The following TRAPPC2 variants were observed in gnomAD, a reference collection of about 807,000 sequenced individuals.
The protein encoded by TRAPPC2 is trafficking protein particle complex subunit 2.
Under a neutral mutation model 10.0 loss-of-function variants are expected in TRAPPC2, and 4 were observed. The observed-to-expected ratio is 0.40, with a 90% CI of 0.20 to 0.92. TRAPPC2 has a LOEUF of 0.92. TRAPPC2 is among the 40% of genes least tolerant of loss of function. The probability of loss-of-function intolerance (pLI) is 0.35; values close to 1 mark genes in which losing one functional copy is unlikely to be tolerated. For synonymous variants in TRAPPC2, 36 were observed against 37.3 expected, an observed-to-expected ratio of 0.97 and a Z score of 0.12; for missense variants, 52 against 108.7, an observed-to-expected ratio of 0.48 and a Z score of 2.32.
At position 13,716,320 on chromosome X, in the gene TRAPPC2, ACT is replaced by A. The variant is rs2046284696; in HGVS notation, c.238+212_238+213del. 7 of 560,864 alleles carry A rather than the reference ACT, an allele frequency of 1.2e-5. No homozygotes were observed. The South Asian group carries it at 1.6e-4, about 13-fold the overall frequency. The allele number at this position is 560,864 out of a possible 1,213,427, so 46.2% of individuals were successfully genotyped here. A position where few individuals can be genotyped will look rare whatever the true frequency, so the allele number is the denominator to read the frequency against. On this transcript the variant is annotated intron_variant, in intron 4 of 5. Transcript: ENST00000380579. ...ATCACCCTTGATAGGGTCCAGATAA[ACT>A]CTTTTTGTGTATGAGACTTAGTTTT... is the stretch of plus-strand genomic sequence containing the variant.
intron 2 of TRAPPC2, among the ~76,000 whole-genome samples, chrX:13,722,667 A>G: frequency 8.9e-6 from 1 of 112,049 alleles, no homozygotes; most frequent in Non-Finnish European, 1.9e-5. Context: ...AAGGTAAGAC[A>G]CACGCTAGGA....
At chrX:13,726,689 C>T (rs2046558756) in intron 2 of TRAPPC2, among the ~76,000 whole-genome samples, 1 of 112,012 alleles carries the variant, frequency 8.9e-6, no homozygotes, top group African/African-American at 3.2e-5. Context: ...TATGAAGAAA[C>T]TGCATCAGTT....
chrX:13,731,079 GAA>G (rs1251375086), intron 2 of TRAPPC2, among the ~76,000 whole-genome samples: 4 of 111,860 alleles, frequency 3.6e-5, no homozygotes, highest in Non-Finnish European at 7.5e-5. Flanking sequence ...AAAGAAAAAA[GAA>G]AACATCTAGA....
At chrX:13,719,248 CA>C (rs34856925) in intron 3 of TRAPPC2, among the ~76,000 whole-genome samples, 24 of 103,097 alleles carry the variant, frequency 2.3e-4, no homozygotes, top group East Asian at 1.8e-3. Flanking sequence ...TTCCTTGTCT[CA>C]AAAAAAAAAA....
At chrX:13,717,056 A>C (rs1007196627) in intron 3 of TRAPPC2, among the ~76,000 whole-genome samples, 1 of 105,456 alleles carries the variant, frequency 9.5e-6, no homozygotes, top group South Asian at 4.3e-4. Flanking sequence ...AAAAAAAAAA[A>C]AAAAAAAACA....
At chrX:13,730,953 G>A (rs772873462) in intron 2 of TRAPPC2, among the ~76,000 whole-genome samples, 53 of 110,106 alleles carry the variant, frequency 4.8e-4, no homozygotes, top group Non-Finnish European at 7.6e-4. Context: ...GCATTAGGAG[G>A]AATACCTAAT....
chrX:13,715,804 A>G (rs2046273981), intron 5 of TRAPPC2, 200 bp downstream of exon 5: 1 of 953,314 alleles, frequency 1.0e-6, no homozygotes, highest in Admixed American at 5.2e-5. Flanking sequence ...GGTAACTACC[A>G]TGAAGTTGTG....
At chrX:13,720,196 A>G (rs1298423081) in intron 2 of TRAPPC2, 1 of 247,002 alleles carries the variant, frequency 4.0e-6, no homozygotes, top group African/African-American at 2.8e-5. Flanking sequence ...AATCTAATGT[A>G]TTTTCTTAAG....
At chrX:13,724,378 G>A (rs1317447866) in intron 2 of TRAPPC2, among the ~76,000 whole-genome samples, 1 of 100,532 alleles carries the variant, frequency 9.9e-6, no homozygotes, top group African/African-American at 3.7e-5. Flanking sequence ...CCTACAATGA[G>A]TTGAAGTGTG....
At position 13,734,101 on chromosome X, in the gene TRAPPC2, A is replaced by G. The variant is rs1253837176; in HGVS notation, c.-77T>C. On this transcript the variant is annotated 5_prime_UTR_variant, in exon 2 of 6. It removes the in-frame stop codon of an upstream open reading frame in the 5' UTR. Coordinates refer to ENST00000380579, the MANE Select transcript of TRAPPC2 (RefSeq NM_001011658.4). ...TAAAACGTTTAGCTCTGTGGATCTC[A>G]ACCCGGAGCGATCTTGCTTCCAAGA... The G allele has an allele frequency of 3.9e-6, 2 of 513,733 alleles. No individual in the cohort carries two copies. The highest frequency in any genetic ancestry group is 7.0e-6 in the Non-Finnish European group (2 of 286,312). 42.3% of individuals were successfully genotyped at this position (513,733 alleles called of 1,213,427 possible).
At chrX:13,734,349 G>T (rs1008213424) in intron 1 of TRAPPC2, among the ~76,000 whole-genome samples, 164 bp from the exon 2 acceptor site, 20 of 111,645 alleles carry the variant, frequency 1.8e-4, no homozygotes, top group African/African-American at 6.5e-4. Flanking sequence ...CCGAGAGGGC[G>T]GACGTCTGCA....
intron 4 of TRAPPC2, 86 bp from the exon 5 acceptor site, chrX:13,716,175 C>CAG (rs2046283105): frequency 1.0e-6 from 1 of 976,872 alleles, no homozygotes; most frequent in Admixed American, 3.5e-5. Context: ...AAATTAGTCA[C>CAG]ATGCAGTGTA....
intron 2 of TRAPPC2, among the ~76,000 whole-genome samples, chrX:13,725,048 AG>A (rs923349380): frequency 8.9e-6 from 1 of 112,786 alleles, no homozygotes; most frequent in African/African-American, 3.2e-5. Context: ...TGGCTGGGGG[AG>A]GGGTGTCCGC....
rs778276998 is a variant in TRAPPC2 at position 13,720,120 on chromosome X, A to T, written c.-19-138T>A. 7.7e-6 allele frequency: 3 copies of T among 387,511 alleles called. No individual in the cohort carries two copies. In the East Asian group the frequency reaches 1.3e-4, roughly 17 times the overall value. The allele number at this position is 387,511 out of a possible 1,213,427, so 31.9% of individuals were successfully genotyped here. ...GATGCTACTAAGCTTGGCAGTTTCC[A>T]GTATACTAGCGAAGATACGTAGCTT... On this transcript the variant is annotated intron_variant, in intron 2 of 5. Transcript: ENST00000380579.
chrX:13,714,143 G>GGA lies in TRAPPC2; in HGVS notation c.*263_*264insTC, dbSNP rs2046253691. 2 of 62,731 alleles carry GGA rather than the reference G, an allele frequency of 3.2e-5. No individual in the cohort carries two copies. Among genetic ancestry groups the GGA allele is most frequent in the African/African-American group, 6.6e-5 (1 of 15,147 alleles). 5.2% of individuals were successfully genotyped at this position (62,731 alleles called of 1,213,427 possible). Reference sequence around the variant, plus strand: ...GGCAACAGAGTGAGACTCTGTATCAGAAAAAAAAAAAAAAAAAAAACATGA... The same window carrying GGA: ...GGCAACAGAGTGAGACTCTGTATCAGGAAAAAAAAAAAAAAAAAAAAACATGA... On this transcript the variant is annotated 3_prime_UTR_variant, in exon 6 of 6. Transcript: ENST00000380579.
At chrX:13,722,683 C>T (rs1276778427) in intron 2 of TRAPPC2, among the ~76,000 whole-genome samples, 3 of 111,693 alleles carry the variant, frequency 2.7e-5, no homozygotes, top group Non-Finnish European at 5.6e-5. Context: ...TAGGATTCTG[C>T]GCTGTCCAAT....
At position 13,714,201 on chromosome X, in the gene TRAPPC2, G is replaced by T; in HGVS notation, c.*206C>A. 4.0e-6 allele frequency: 1 copy of T among 251,147 alleles called. No homozygotes were observed. The highest frequency in any genetic ancestry group is 7.2e-6 in the Non-Finnish European group (1 of 138,907). 20.7% of individuals were successfully genotyped at this position (251,147 alleles called of 1,213,427 possible). A position where few individuals can be genotyped will look rare whatever the true frequency, so the allele number is the denominator to read the frequency against. ...TAATGAACTCTTTATAAATAACACT[G>T]TTCACAAGGAAATACCAATTGATCT... On this transcript the variant is annotated 3_prime_UTR_variant, in exon 6 of 6. Transcript: ENST00000380579.
At chrX:13,715,714 C>T (rs942959971) in intron 5 of TRAPPC2, 16 of 749,571 alleles carry the variant, frequency 2.1e-5, no homozygotes, top group Admixed American at 1.3e-4. Context: ...TTCTTGCTGT[C>T]TTTAGGGATC....
intron 2 of TRAPPC2, among the ~76,000 whole-genome samples, chrX:13,733,087 A>C (rs1485150342): frequency 8.9e-6 from 1 of 111,969 alleles, no homozygotes; most frequent in Non-Finnish European, 1.9e-5. Context: ...AATTATATTC[A>C]TGTATTCAAC....
Sources: gnomAD v4.1 joint callset for allele counts (sites outside exome capture counted in the v4.1 genomes callset) on GRCh38, gnomAD v4.1.1 for gene constraint, MANE v1.5 for transcripts, NCBI Gene and HGNC (gene_info 2026-07-23, HGNC 2026-07-21) for gene names.